Variants in STMN2 observed in about 807,000 individuals in gnomAD.
The protein encoded by STMN2 is stathmin-2.
STMN2 carries 2 observed loss-of-function variants against 24.1 expected under a neutral mutation model. The observed-to-expected ratio is 0.08, with a 90% CI of 0.03 to 0.26. The LOEUF is 0.26. Among genes scored for constraint, STMN2 ranks in the 10% least tolerant of loss-of-function variants. The probability of loss-of-function intolerance (pLI) is 1.00; values close to 1 mark genes in which losing one functional copy is unlikely to be tolerated. For missense variants in STMN2, 114 were observed against 213.6 expected (o/e 0.53, Z 2.91); for synonymous variants, 83 against 77.5 (o/e 1.07, Z -0.37).
intron 1 of STMN2, among the ~76,000 whole-genome samples, chr8:79,630,776 A>G (rs1809779802): frequency 6.6e-6 from 1 of 152,152 alleles, no homozygotes. Flanking sequence ...CTTACATGAG[A>G]ACTGTCCTTA....
Position 79,636,121 on chromosome 8 carries a change from G to C in STMN2, c.20-681G>C, listed in dbSNP as rs571831318. The stretch of plus-strand genomic sequence containing the variant: ...AGTCCCAGCTAATGGGGAGGCTGAG[G>C]GGGGAACATCACTTGAGCCCAGGAG... On this transcript the variant is annotated intron_variant, in intron 1 of 4. Transcript: ENST00000220876. 7.2e-5 allele frequency among the ~76,000 whole-genome samples: 11 copies of C among 152,216 alleles called. No individual in the cohort carries two copies. In the South Asian group the frequency reaches 1.9e-3, roughly 26 times the overall value.
intron 1 of STMN2, chr8:79,613,434 C>T (rs1289126632): frequency 2.0e-6 from 2 of 985,344 alleles, no homozygotes; most frequent in Admixed American, 1.2e-4. Context: ...CCGGTTTCTG[C>T]GCAGTGTCCT....
At chr8:79,644,232 G>T (rs1810171272) in intron 3 of STMN2, among the ~76,000 whole-genome samples, 1 of 152,182 alleles carries the variant, frequency 6.6e-6, no homozygotes, top group Non-Finnish European at 1.5e-5. Context: ...AAAAGTCTAG[G>T]AGTGGCTACA....
intron 2 of STMN2, 46 bp downstream of exon 2, chr8:79,636,943 G>A: frequency 1.3e-6 from 2 of 1,559,652 alleles, no homozygotes. Context: ...AGATCATTTG[G>A]AAAGGTTGAC....
chr8:79,642,487 C>T (rs1389685088), intron 3 of STMN2, among the ~76,000 whole-genome samples: 1 of 152,098 alleles, frequency 6.6e-6, no homozygotes, highest in Non-Finnish European at 1.5e-5. Context: ...ATTTTAGAAT[C>T]AGGTAATCAC....
intron 1 of STMN2, among the ~76,000 whole-genome samples, chr8:79,630,691 G>A (rs2130332087): frequency 6.6e-6 from 1 of 152,336 alleles, no homozygotes; most frequent in East Asian, 1.9e-4. Context: ...TTCAGAGAAT[G>A]TCATGGCAGC....
intron 4 of STMN2, chr8:79,663,525 A>AT: frequency 8.4e-7 from 1 of 1,192,126 alleles, no homozygotes; most frequent in Non-Finnish European, 1.2e-6. Flanking sequence ...AAAGAACCCT[A>AT]TAAGTGTAGA....
intron 1 of STMN2, among the ~76,000 whole-genome samples, chr8:79,633,489 C>T (rs1163263059): frequency 6.6e-6 from 1 of 152,152 alleles, no homozygotes; most frequent in African/African-American, 2.4e-5. Context: ...GACTAGGTGG[C>T]TTATAAACAA....
chr8:79,626,153 T>TA (rs1554543571), intron 1 of STMN2, among the ~76,000 whole-genome samples: 16 of 151,880 alleles, frequency 1.1e-4, no homozygotes, highest in Non-Finnish European at 2.1e-4. Flanking sequence ...TATCTAAGGT[T>TA]AATAGTTCCT....
chr8:79,655,529 T>C (rs1045802705), intron 4 of STMN2, among the ~76,000 whole-genome samples: 4 of 152,294 alleles, frequency 2.6e-5, no homozygotes, highest in African/African-American at 9.6e-5. Context: ...CCAGGGTATT[T>C]ATGAACACTG....
At chr8:79,623,394 G>C (rs1279612237) in intron 1 of STMN2, among the ~76,000 whole-genome samples, 1 of 152,166 alleles carries the variant, frequency 6.6e-6, no homozygotes, top group Non-Finnish European at 1.5e-5. Context: ...GAGTACAAAG[G>C]TTTAAGGGAG....
At chr8:79,641,352 A>G (rs538797036) in intron 2 of STMN2, 26 bp from the exon 3 acceptor site, 1 of 1,607,344 alleles carries the variant, frequency 6.2e-7, no homozygotes, top group Non-Finnish European at 8.5e-7. Flanking sequence ...TTGTATGCTT[A>G]ACATTCTCAA....
intron 3 of STMN2, 65 bp downstream of exon 3, chr8:79,641,615 G>A: frequency 2.3e-6 from 2 of 884,568 alleles, no homozygotes; most frequent in South Asian, 1.9e-5. Flanking sequence ...CACACACTCG[G>A]GCACACATGC....
intron 1 of STMN2, among the ~76,000 whole-genome samples, chr8:79,615,974 T>G (rs144765160): frequency 2.0e-5 from 3 of 152,338 alleles, no homozygotes; most frequent in Non-Finnish European, 2.9e-5. Context: ...GCCGAATATT[T>G]TAATGCTTAA....
At chr8:79,616,907 GAGAC>G (rs955146963) in intron 1 of STMN2, among the ~76,000 whole-genome samples, 15 of 152,308 alleles carry the variant, frequency 9.8e-5, no homozygotes, top group South Asian at 4.1e-4. Flanking sequence ...GCGAGAGAGA[GAGAC>G]AGACAGCCTG....
In STMN2 at chr8:79,638,338, A is replaced by T. The variant is rs1023764944; in HGVS notation, c.115+1441A>T. Among the ~76,000 whole-genome samples, 4 of 152,226 alleles carry T rather than the reference A, an allele frequency of 2.6e-5. No individual in the cohort carries two copies. In the East Asian group the frequency reaches 5.8e-4, roughly 22 times the overall value. Reference sequence around the variant, plus strand: ...AAAGGGGAAGAAAATATGTGAAGTTATGTGTGAGCTGATTCTTGAAATAAG... The same window carrying T: ...AAAGGGGAAGAAAATATGTGAAGTTTTGTGTGAGCTGATTCTTGAAATAAG... On this transcript the variant is annotated intron_variant, in intron 2 of 4. Coordinates refer to ENST00000220876, the MANE Select transcript of STMN2 (RefSeq NM_007029.4).
chr8:79,633,915 A>G (rs1411146899), intron 1 of STMN2, among the ~76,000 whole-genome samples: 4 of 152,196 alleles, frequency 2.6e-5, no homozygotes, highest in Non-Finnish European at 5.9e-5. Context: ...GGCCTTACTG[A>G]AAATTATTGA....
intron 4 of STMN2, among the ~76,000 whole-genome samples, chr8:79,662,266 A>G (rs939195225): frequency 1.3e-5 from 2 of 152,114 alleles, no homozygotes; most frequent in African/African-American, 2.4e-5. Flanking sequence ...TAAATTGCAG[A>G]AAACATTGTA....
chr8:79,641,713 T>C (rs751928650), intron 3 of STMN2, among the ~76,000 whole-genome samples, 163 bp downstream of exon 3: 1 of 150,496 alleles, frequency 6.6e-6, no homozygotes, highest in Non-Finnish European at 1.5e-5. Flanking sequence ...CATGCCAACA[T>C]GTATAGGTTT....
Sources: gnomAD v4.1 joint callset for allele counts (sites outside exome capture counted in the v4.1 genomes callset) on GRCh38, gnomAD v4.1.1 for gene constraint, MANE v1.5 for transcripts, NCBI Gene and HGNC (gene_info 2026-07-23, HGNC 2026-07-21) for gene names.